CD96: variants seen among roughly 807,000 people sequenced by gnomAD.
CD96 encodes T-cell surface protein tactile.
Under a neutral mutation model 71.3 loss-of-function variants are expected in CD96, and 70 were observed. The ratio of observed to expected loss-of-function variants is 0.98; its 90% confidence interval spans 0.81 to 1.20. The LOEUF (loss-of-function observed/expected upper bound fraction) is 1.20. Ranked by LOEUF, CD96 falls within the 50% of genes most tolerant of loss-of-function variation. The pLI is 0.00. For missense variants in CD96, 742 were observed against 677.5 expected (o/e 1.10, Z -1.06); for synonymous variants, 248 against 233.0 (o/e 1.06, Z -0.59).
intron 7 of CD96, among the ~76,000 whole-genome samples, chr3:111,601,192 A>C (rs1191510210): frequency 1.3e-5 from 2 of 152,062 alleles, no homozygotes; most frequent in African/African-American, 4.8e-5. Context: ...CATAACTCTT[A>C]ATTAGTTAGC....
At chr3:111,626,495 G>T (rs144182160) in intron 10 of CD96, among the ~76,000 whole-genome samples, 51 of 152,078 alleles carry the variant, frequency 3.4e-4, no homozygotes, top group African/African-American at 1.2e-3. Context: ...GTTACTGGTG[G>T]TACCATCACT....
At chr3:111,559,155 C>A (rs1160339636) in intron 2 of CD96, among the ~76,000 whole-genome samples, 5 of 151,028 alleles carry the variant, frequency 3.3e-5, no homozygotes, top group South Asian at 2.1e-4. Flanking sequence ...TTTCAAAAAA[C>A]CAGCTCCTGG....
At chr3:111,647,223 A>G (rs536318288) in intron 12 of CD96, among the ~76,000 whole-genome samples, 21 of 152,220 alleles carry the variant, frequency 1.4e-4, no homozygotes, top group African/African-American at 4.6e-4. Context: ...CCCTGAACCT[A>G]AAATAGTGAA....
At chr3:111,597,230 A>G (rs1300308980) in intron 5 of CD96, among the ~76,000 whole-genome samples, 1 of 152,178 alleles carries the variant, frequency 6.6e-6, no homozygotes, top group Non-Finnish European at 1.5e-5. Context: ...TTATAAAAGG[A>G]ATTATAATTT....
chr3:111,593,512 C>T (rs1937092602), intron 5 of CD96: 1 of 1,507,540 alleles, frequency 6.6e-7, no homozygotes, highest in African/African-American at 1.4e-5. Context: ...AGTCTAGAGT[C>T]AATGTTTTCA....
downstream of CD96, among the ~76,000 whole-genome samples, chr3:111,655,451 G>A (rs1940206221): frequency 6.6e-6 from 1 of 152,094 alleles, no homozygotes; most frequent in Non-Finnish European, 1.5e-5. Context: ...ATTAAGTTAT[G>A]CGCAAAGAAG....
chr3:111,587,403 C>T (rs1936765412), intron 5 of CD96, among the ~76,000 whole-genome samples: 1 of 151,958 alleles, frequency 6.6e-6, no homozygotes, highest in South Asian at 2.1e-4. Flanking sequence ...CCATTAGGGA[C>T]ACAAGCTCTG....
At chr3:111,641,341 G>T (rs1381296386) in intron 12 of CD96, among the ~76,000 whole-genome samples, 2 of 152,210 alleles carry the variant, frequency 1.3e-5, no homozygotes, top group Non-Finnish European at 2.9e-5. Flanking sequence ...GCGAGCAGGG[G>T]TAGCTATTCT....
At chr3:111,591,371 T>C (rs1353146565) in intron 5 of CD96, among the ~76,000 whole-genome samples, 1 of 88,108 alleles carries the variant, frequency 1.1e-5, no homozygotes, top group South Asian at 5.3e-4. Context: ...GACTCCATCT[T>C]AAAAAAAAAA....
intron 7 of CD96, among the ~76,000 whole-genome samples, chr3:111,602,304 T>G (rs1449052636): frequency 6.6e-6 from 1 of 152,210 alleles, no homozygotes; most frequent in Non-Finnish European, 1.5e-5. Flanking sequence ...AAAACAGTGC[T>G]TGATTTCAGT....
intron 6 of CD96, among the ~76,000 whole-genome samples, chr3:111,598,564 A>G (rs898530222): frequency 3.3e-5 from 5 of 152,198 alleles, no homozygotes; most frequent in Non-Finnish European, 7.4e-5. Context: ...CTGTTTTTCC[A>G]TGTCTTTCTT....
chr3:111,593,803 T>C (rs2107628412), intron 5 of CD96: 1 of 1,614,208 alleles, frequency 6.2e-7, no homozygotes. Context: ...CCTCAATGCC[T>C]GTGGGGAGCT....
At chr3:111,606,651 T>C (rs1937633342) in intron 7 of CD96, 49 bp from the exon 8 acceptor site, 1 of 931,626 alleles carries the variant, frequency 1.1e-6, no homozygotes, top group African/African-American at 1.6e-5. Flanking sequence ...TACTTTATCT[T>C]TTGATTACAA....
chr3:111,552,806 T>C (rs1456885577), intron 2 of CD96, among the ~76,000 whole-genome samples: 2 of 152,200 alleles, frequency 1.3e-5, no homozygotes, highest in Non-Finnish European at 2.9e-5. Context: ...CTGACAATAC[T>C]GGTACTGGAG....
intron 8 of CD96, chr3:111,607,054 C>A: frequency 1.9e-6 from 1 of 520,722 alleles, no homozygotes; most frequent in Non-Finnish European, 3.5e-6. Context: ...ACATTTTCAT[C>A]ATCTAATAAA....
intron 5 of CD96, among the ~76,000 whole-genome samples, chr3:111,588,545 G>C (rs1936820833): frequency 6.6e-6 from 1 of 152,068 alleles, no homozygotes; most frequent in Non-Finnish European, 1.5e-5. Context: ...CACATTTTTG[G>C]TTATTTTTTC....
intron 8 of CD96, among the ~76,000 whole-genome samples, chr3:111,615,954 TC>T (rs1211604546): frequency 4.6e-5 from 7 of 152,108 alleles, no homozygotes; most frequent in East Asian, 1.9e-4. Flanking sequence ...GAAAAATTCT[TC>T]CCCCAAATAT....
chr3:111,649,768 G>A lies in CD96; in HGVS notation c.1672G>A (p.Glu558Lys), dbSNP rs201121432. ...IKYTCIQEPN[E>K]SDLPYHEMET... ...GTACACTTGCATTCAAGAGCCCAAC[G>A]AAAGTGATCTGCCTTATCATGAGAT... Residue 558 changes from glutamate (E) to lysine (K), a missense_variant, in exon 14 of 14, where the codon GAA becomes AAA. Transcript: ENST00000352690. 7.4e-6 allele frequency: 12 copies of A among 1,613,614 alleles called. No homozygotes were observed. The highest frequency in any genetic ancestry group is 2.2e-5 in the East Asian group (1 of 44,886).
chr3:111,599,631 G>C (rs1937406685), intron 6 of CD96, among the ~76,000 whole-genome samples: 1 of 151,998 alleles, frequency 6.6e-6, no homozygotes, highest in South Asian at 2.1e-4. Flanking sequence ...TGAGGCAGGA[G>C]AATCGCTTGA....
Sources: allele counts gnomAD v4.1 joint callset (sites outside exome capture counted in the v4.1 genomes callset), GRCh38; gene constraint gnomAD v4.1.1; transcripts MANE v1.5; gene names NCBI Gene and HGNC (gene_info 2026-07-23, HGNC 2026-07-21).